TMEM163: variants seen among roughly 807,000 people sequenced by gnomAD.
TMEM163 encodes transmembrane protein 163.
Under a neutral mutation model 29.3 loss-of-function variants are expected in TMEM163, and 17 were observed. The ratio of observed to expected loss-of-function variants is 0.58; its 90% confidence interval spans 0.40 to 0.87. The LOEUF (loss-of-function observed/expected upper bound fraction) is 0.87. Among genes scored for constraint, TMEM163 ranks in the 40% least tolerant of loss-of-function variants. The probability of loss-of-function intolerance (pLI) is 0.00; values close to 1 mark genes in which losing one functional copy is unlikely to be tolerated. For missense variants in TMEM163, 303 were observed against 381.5 expected, an observed-to-expected ratio of 0.79 and a Z score of 1.71; for synonymous variants, 157 against 160.6, an observed-to-expected ratio of 0.98 and a Z score of 0.17.
At chr2:134,556,670 A>T (rs920555269) in intron 2 of TMEM163, among the ~76,000 whole-genome samples, 1 of 152,020 alleles carries the variant, frequency 6.6e-6, no homozygotes, top group Non-Finnish European at 1.5e-5. Flanking sequence ...AAAATTTTAA[A>T]ATTAGCTGAG....
intron 4 of TMEM163, among the ~76,000 whole-genome samples, chr2:134,515,425 A>G (rs1240069572): frequency 6.6e-6 from 1 of 152,198 alleles, no homozygotes; most frequent in Non-Finnish European, 1.5e-5. Context: ...TCCTATAAAA[A>G]TACTCCATAA....
intron 2 of TMEM163, among the ~76,000 whole-genome samples, chr2:134,590,766 T>C (rs1281616473): frequency 1.3e-5 from 2 of 152,182 alleles, no homozygotes; most frequent in East Asian, 3.9e-4. Flanking sequence ...GACATTTCCA[T>C]GGCATTTGTA....
At chr2:134,499,813 G>T (rs371156538) in intron 5 of TMEM163, among the ~76,000 whole-genome samples, 2 of 152,272 alleles carry the variant, frequency 1.3e-5, no homozygotes, top group African/African-American at 4.8e-5. Flanking sequence ...GTCACTCGGA[G>T]CTAAGTCTGT....
chr2:134,667,589 T>C (rs1486444011), intron 2 of TMEM163, among the ~76,000 whole-genome samples: 1 of 152,256 alleles, frequency 6.6e-6, no homozygotes. Context: ...GCTATGTGTT[T>C]AAACCATGAC....
chr2:134,498,289 C>T (rs145258326), intron 5 of TMEM163, among the ~76,000 whole-genome samples: 5 of 152,072 alleles, frequency 3.3e-5, no homozygotes, highest in African/African-American at 1.2e-4. Flanking sequence ...ACGCATCCCC[C>T]CTTCTCCTCA....
intron 2 of TMEM163, among the ~76,000 whole-genome samples, chr2:134,618,620 C>G (rs776660335): frequency 1.3e-5 from 2 of 152,052 alleles, no homozygotes; most frequent in Non-Finnish European, 2.9e-5. Context: ...TTCTCCAGAA[C>G]AGACCACAAA....
intron 2 of TMEM163, among the ~76,000 whole-genome samples, chr2:134,557,486 T>C (rs1293411581): frequency 6.6e-6 from 1 of 152,142 alleles, no homozygotes; most frequent in Non-Finnish European, 1.5e-5. Flanking sequence ...TTTTATACAT[T>C]TTAGGGAGAC....
chr2:134,625,888 C>T (rs755985939), intron 2 of TMEM163, among the ~76,000 whole-genome samples: 2 of 152,160 alleles, frequency 1.3e-5, no homozygotes, highest in East Asian at 1.9e-4. Context: ...CTCCCCAACC[C>T]GCTTACAGCG....
At chr2:134,640,258 C>G (rs1341923358) in intron 2 of TMEM163, among the ~76,000 whole-genome samples, 1 of 152,100 alleles carries the variant, frequency 6.6e-6, no homozygotes, top group Admixed American at 6.6e-5. Flanking sequence ...CTCCTCACTT[C>G]ATTAATTCCT....
At chr2:134,659,444 A>G (rs1375617321) in intron 2 of TMEM163, among the ~76,000 whole-genome samples, 1 of 152,198 alleles carries the variant, frequency 6.6e-6, no homozygotes, top group Non-Finnish European at 1.5e-5. Context: ...GCACAGAATG[A>G]CTGCAGTGGC....
chr2:134,666,168 C>T (rs2104862847), intron 2 of TMEM163, among the ~76,000 whole-genome samples: 1 of 152,024 alleles, frequency 6.6e-6, no homozygotes, highest in East Asian at 1.9e-4. Flanking sequence ...AGACTAAATC[C>T]CACCCACCAC....
At chr2:134,497,968 T>C (rs937782607) in intron 5 of TMEM163, among the ~76,000 whole-genome samples, 10 of 152,208 alleles carry the variant, frequency 6.6e-5, no homozygotes, top group South Asian at 2.1e-4. Context: ...TGGCCACTAT[T>C]TGGGGCAACC....
In TMEM163 at chr2:134,713,483, TCAA is replaced by T. The variant is rs1002202667; in HGVS notation, c.203-167_203-165del. ...TTAACAATTAGATTTCACATGAAAATCAAGCTTTCTGGCACCCCTTGAAAAATC... is the reference window on the plus strand; with the variant it reads ...TTAACAATTAGATTTCACATGAAAATGCTTTCTGGCACCCCTTGAAAAATC... On this transcript the variant is annotated intron_variant, in intron 1 of 7. Coordinates refer to ENST00000281924, the MANE Select transcript of TMEM163 (RefSeq NM_030923.5). 26 of 1,032,272 alleles carry T rather than the reference TCAA, an allele frequency of 2.5e-5. No homozygotes were observed. The Admixed American group carries it at 4.1e-4, about 16-fold the overall frequency. The allele number at this position is 1,032,272 out of a possible 1,614,324, so 63.9% of individuals were successfully genotyped here.
intron 5 of TMEM163, among the ~76,000 whole-genome samples, chr2:134,475,650 G>A (rs559358804): frequency 6.6e-6 from 1 of 152,162 alleles, no homozygotes; most frequent in Admixed American, 6.5e-5. Context: ...GAAAACAGAT[G>A]ACTCAATTAA....
intron 2 of TMEM163, among the ~76,000 whole-genome samples, chr2:134,681,004 A>G (rs1489779852): frequency 2.6e-5 from 4 of 152,234 alleles, no homozygotes. Context: ...CACACATTCA[A>G]TAATCCAGGA....
At chr2:134,587,271 G>T (rs575805528) in intron 2 of TMEM163, among the ~76,000 whole-genome samples, 1 of 152,246 alleles carries the variant, frequency 6.6e-6, no homozygotes, top group Non-Finnish European at 1.5e-5. Context: ...AATTAGCTAG[G>T]TATGGTGGCA....
At chr2:134,674,710 T>C (rs1365375716) in intron 2 of TMEM163, among the ~76,000 whole-genome samples, 1 of 152,036 alleles carries the variant, frequency 6.6e-6, no homozygotes, top group African/African-American at 2.4e-5. Context: ...AAGAAGGCCA[T>C]GAAGAGAGGG....
intron 4 of TMEM163, among the ~76,000 whole-genome samples, chr2:134,512,468 C>T (rs596946): frequency 0.62 from 94,271 of 152,088 alleles, 31,448 homozygotes; most frequent in East Asian, 0.96. Context: ...CAAAAAAATA[C>T]ATATTCCTAG....
intron 4 of TMEM163, among the ~76,000 whole-genome samples, chr2:134,527,958 A>G (rs1680332915): frequency 1.3e-5 from 2 of 152,224 alleles, no homozygotes; most frequent in South Asian, 4.1e-4. Context: ...AAGAATGGTC[A>G]ATGTTTACAT....
Sources: allele counts gnomAD v4.1 joint callset (sites outside exome capture counted in the v4.1 genomes callset), GRCh38; gene constraint gnomAD v4.1.1; transcripts MANE v1.5; gene names NCBI Gene and HGNC (gene_info 2026-07-23, HGNC 2026-07-21).